The following TNIK variants were observed in gnomAD, a reference collection of about 807,000 sequenced individuals.
TNIK encodes the protein TRAF2 and NCK interacting kinase.
A neutral mutation model predicts 191.3 loss-of-function variants in TNIK; 49 were observed. That is an observed-to-expected ratio of 0.26 (90% CI 0.20 to 0.32). The LOEUF is 0.32. Among genes scored for constraint, TNIK ranks in the 10% least tolerant of loss-of-function variants. The pLI is 1.00. For synonymous variants in TNIK, 594 were observed against 600.9 expected (o/e 0.99, Z 0.17); for missense variants, 1,155 against 1,702.3 (o/e 0.68, Z 5.66).
chr3:171,117,082 A>T (rs1466855820), intron 18 of TNIK, among the ~76,000 whole-genome samples: 1 of 152,224 alleles, frequency 6.6e-6, no homozygotes, highest in African/African-American at 2.4e-5. Context: ...CCAGAAGGGA[A>T]GTGTTTGCAA....
In TNIK at chr3:171,062,188, A is replaced by C. The variant is rs1328940530; in HGVS notation, c.*1693T>G. ...TAGTTTTTTTTGTTGTTGTTGTTCC[A>C]TTTACAGTAATTATTTTCTCCAGAA... On this transcript the variant is annotated 3_prime_UTR_variant, in exon 33 of 33. Transcript: ENST00000436636. The C allele has an allele frequency of 1.3e-5, 2 of 152,062 alleles. No individual in the cohort carries two copies. Among genetic ancestry groups the C allele is most frequent in the African/African-American group, 4.8e-5 (2 of 41,376 alleles). The allele number at this position is 152,062 out of a possible 1,614,324, so 9.4% of individuals were successfully genotyped here.
intron 2 of TNIK, among the ~76,000 whole-genome samples, chr3:171,360,181 C>A (rs1000394249): frequency 6.6e-6 from 1 of 152,148 alleles, no homozygotes; most frequent in Non-Finnish European, 1.5e-5. Context: ...TCATCATTCA[C>A]TGAGGCAGTG....
At chr3:171,317,489 C>A (rs1015781510) in intron 2 of TNIK, among the ~76,000 whole-genome samples, 1 of 152,144 alleles carries the variant, frequency 6.6e-6, no homozygotes, top group Non-Finnish European at 1.5e-5. Context: ...AATAATGCAA[C>A]TATTCTTAGG....
At chr3:171,097,977 A>C (rs1298602659) in intron 22 of TNIK, among the ~76,000 whole-genome samples, 1 of 152,224 alleles carries the variant, frequency 6.6e-6, no homozygotes, top group African/African-American at 2.4e-5. Context: ...AAATGATGGA[A>C]TAAATTAATA....
rs114229699 is a variant in TNIK at position 171,460,239 on chromosome 3, G to T, written c.-176C>A. On this transcript the variant is annotated 5_prime_UTR_variant, in exon 1 of 33. Transcript: ENST00000436636. This position sits in a 1 kb window ranked among gnomAD's most constrained non-coding sequence, Gnocchi z 6.8. ...GCCGGATCCCGATCCTCCGCGCGTCGGTCCGCCGGGTCCGGGAGCCCAGCC... is the reference window on the plus strand; with the variant it reads ...GCCGGATCCCGATCCTCCGCGCGTCTGTCCGCCGGGTCCGGGAGCCCAGCC... The T allele has an allele frequency of 3.8e-4, 292 of 765,820 alleles. No homozygotes were observed. The African/African-American group carries it at 4.6e-3, about 12-fold the overall frequency. The allele number at this position is 765,820 out of a possible 1,614,324, so 47.4% of individuals were successfully genotyped here.
chr3:171,250,684 T>A (rs1011529229), intron 2 of TNIK, among the ~76,000 whole-genome samples: 1 of 152,200 alleles, frequency 6.6e-6, no homozygotes, highest in South Asian at 2.1e-4. Context: ...CATGAGGAAA[T>A]CATTCAGATC....
Position 171,313,678 on chromosome 3 carries a change from C to T in TNIK, c.123+55942G>A, listed in dbSNP as rs570785882. ...CATGTTGAGGTGGGAGAAAAGGGGT[C>T]CTTACGTCTAAACAGCAAGAGAAAA... On this transcript the variant is annotated intron_variant, in intron 2 of 32. Coordinates refer to ENST00000436636, the MANE Select transcript of TNIK (RefSeq NM_015028.4). Among the ~76,000 whole-genome samples the T allele has an allele frequency of 1.6e-3, 242 of 152,078 alleles. 1 individual carries two copies. Among genetic ancestry groups the T allele is most frequent in the Middle Eastern group, 3.4e-3 (1 of 294 alleles).
rs988582576 is a variant in TNIK at position 171,265,712 on chromosome 3, G to A, written c.124-37491C>T. Among the ~76,000 whole-genome samples the A allele has an allele frequency of 2.0e-5, 3 of 152,328 alleles. No homozygotes were observed. In the South Asian group the frequency reaches 6.2e-4, roughly 32 times the overall value. ...ATTTTGTGAAAGCTACCAGGGATGT[G>A]ATAAGCCAATATTAATGTAATTAAT... On this transcript the variant is annotated intron_variant, in intron 2 of 32. Transcript: ENST00000436636.
intron 4 of TNIK, among the ~76,000 whole-genome samples, chr3:171,198,245 A>G (rs1738954736): frequency 6.8e-6 from 1 of 146,018 alleles, no homozygotes; most frequent in South Asian, 2.3e-4. Context: ...CCTGGGTGAC[A>G]GAGCCAGACT....
intron 2 of TNIK, among the ~76,000 whole-genome samples, chr3:171,257,890 C>T (rs1395834204): frequency 2.0e-5 from 3 of 152,208 alleles, no homozygotes; most frequent in African/African-American, 7.2e-5. Context: ...CCCTCAATAT[C>T]AAACTGCTGT....
chr3:171,376,679 G>T (rs1355293533), intron 1 of TNIK, among the ~76,000 whole-genome samples: 5 of 151,244 alleles, frequency 3.3e-5, no homozygotes, highest in East Asian at 1.9e-4. Context: ...CTGGCCCAAA[G>T]AAGTCATCTC....
chr3:171,121,730 A>T, intron 18 of TNIK, among the ~76,000 whole-genome samples: 1 of 152,372 alleles, frequency 6.6e-6, no homozygotes, highest in East Asian at 1.9e-4. Flanking sequence ...TCTCACTGTA[A>T]ATAAAACAAA....
At chr3:171,328,953 G>A (rs868702181) in intron 2 of TNIK, among the ~76,000 whole-genome samples, 1 of 152,170 alleles carries the variant, frequency 6.6e-6, no homozygotes, top group Middle Eastern at 3.4e-3. Flanking sequence ...CCCACCTCAG[G>A]GCCTTTGTAC....
chr3:171,189,111 T>C (rs918056620), intron 6 of TNIK, among the ~76,000 whole-genome samples: 3 of 152,218 alleles, frequency 2.0e-5, no homozygotes, highest in Non-Finnish European at 4.4e-5. Flanking sequence ...CTGGCAATTA[T>C]TCTACTTTCC....
chr3:171,453,525 C>G (rs1560093633), intron 1 of TNIK, among the ~76,000 whole-genome samples: 2 of 152,080 alleles, frequency 1.3e-5, no homozygotes, highest in Non-Finnish European at 2.9e-5. Context: ...TGCCGCTGGT[C>G]TTAACATGCT....
At position 171,315,128 on chromosome 3, in the gene TNIK, C is replaced by T. The variant is rs185539877; in HGVS notation, c.123+54492G>A. Among the ~76,000 whole-genome samples the T allele has an allele frequency of 3.2e-3, 489 of 152,164 alleles. 3 individuals carry two copies. The highest frequency in any genetic ancestry group is 0.01 in the African/African-American group (434 of 41,518). Reference sequence around the variant, plus strand: ...GAAGCAGGGGTAGGAGATGTGAGGACTAAGATTCTGCTTTGAAAGCAGAAA... The same window carrying T: ...GAAGCAGGGGTAGGAGATGTGAGGATTAAGATTCTGCTTTGAAAGCAGAAA... On this transcript the variant is annotated intron_variant, in intron 2 of 32. Coordinates refer to ENST00000436636, the MANE Select transcript of TNIK (RefSeq NM_015028.4).
Position 171,063,850 on chromosome 3 carries a change from G to A in TNIK, c.*31C>T, listed in dbSNP as rs185162556. ...TATGTTCTTTTAAATTAGAAATAACGCCATGAAGATAAGTGCCAAGTGCTC... is the reference window on the plus strand; with the variant it reads ...TATGTTCTTTTAAATTAGAAATAACACCATGAAGATAAGTGCCAAGTGCTC... On this transcript the variant is annotated 3_prime_UTR_variant, in exon 33 of 33. Transcript: ENST00000436636. The A allele has an allele frequency of 2.8e-5, 45 of 1,600,248 alleles. No homozygotes were observed. Among genetic ancestry groups the A allele is most frequent in the Middle Eastern group, 3.3e-4 (2 of 6,008 alleles).
intron 7 of TNIK, among the ~76,000 whole-genome samples, chr3:171,182,662 G>C (rs7374956): frequency 6.6e-6 from 1 of 151,942 alleles, no homozygotes; most frequent in Non-Finnish European, 1.5e-5. Flanking sequence ...GCTGGAAAGG[G>C]TGGGAGTGGG....
intron 1 of TNIK, among the ~76,000 whole-genome samples, chr3:171,434,595 C>G (rs1725792390): frequency 6.6e-6 from 1 of 152,090 alleles, no homozygotes; most frequent in Non-Finnish European, 1.5e-5. Context: ...GAAGCTAAGA[C>G]TACAGGTGCA....
Sources: allele counts gnomAD v4.1 joint callset (sites outside exome capture counted in the v4.1 genomes callset), GRCh38; gene constraint gnomAD v4.1.1; non-coding constraint Gnocchi (gnomAD v3.1); transcripts MANE v1.5; gene names NCBI Gene and HGNC (gene_info 2026-07-23, HGNC 2026-07-21).